Variants in C1QTNF3 observed in about 807,000 individuals in gnomAD.
The protein encoded by C1QTNF3 is complement C1q tumor necrosis factor-related protein 3.
A neutral mutation model predicts 32.6 loss-of-function variants in C1QTNF3; 26 were observed. That is an observed-to-expected ratio of 0.80 (90% CI 0.58 to 1.11). The LOEUF (loss-of-function observed/expected upper bound fraction) is 1.11, where lower values mean the gene tolerates loss of function less well. Ranked by LOEUF, C1QTNF3 falls within the 50% of genes least tolerant of loss-of-function variation. The pLI is 0.00. For synonymous variants in C1QTNF3, 155 were observed against 146.0 expected (o/e 1.06, Z -0.44); for missense variants, 362 against 398.2 (o/e 0.91, Z 0.77).
In C1QTNF3 at chr5:34,043,198, TGC is replaced by T. The variant is rs1561062679; in HGVS notation, c.-75_-74del. The T allele has an allele frequency of 6.8e-7, 1 of 1,481,378 alleles. No homozygotes were observed. Among genetic ancestry groups the T allele is most frequent in the African/African-American group, 1.4e-5 (1 of 71,346 alleles). 91.8% of individuals were successfully genotyped at this position (1,481,378 alleles called of 1,614,324 possible). ...CAGGAGCGTGGTCTCCTCGGGCAGA[TGC>T]CAGGACTGGAGCTGAGAGCTGCAGC... On this transcript the variant is annotated 5_prime_UTR_variant, in exon 1 of 6. Transcript: ENST00000382065.
At chr5:34,213,206 C>T in the C1QTNF3 span, among the ~76,000 whole-genome samples, 9 of 152,060 alleles carry the variant, frequency 5.9e-5, no homozygotes, top group African/African-American at 2.2e-4. Flanking sequence ...GCATGTAAAA[C>T]AATGGCTCAT....
chr5:34,117,531 C>G, the C1QTNF3 span, among the ~76,000 whole-genome samples: 1 of 151,940 alleles, frequency 6.6e-6, no homozygotes, highest in Non-Finnish European at 1.5e-5. Context: ...CATGGTGTCT[C>G]ACGCCTATAA....
At chr5:34,229,609 C>T in the C1QTNF3 span, among the ~76,000 whole-genome samples, 2,154 of 152,112 alleles carry the variant, frequency 0.014, 36 homozygotes, top group South Asian at 0.033. Context: ...TTTAGATGGC[C>T]AAATGCAATC....
chr5:34,242,288 C>T, the C1QTNF3 span, among the ~76,000 whole-genome samples: 2 of 152,078 alleles, frequency 1.3e-5, no homozygotes, highest in Admixed American at 6.5e-5. Context: ...GTACACTAAC[C>T]ATGATACTGT....
the C1QTNF3 span, among the ~76,000 whole-genome samples, chr5:34,066,495 A>G: frequency 6.6e-6 from 1 of 152,238 alleles, no homozygotes; most frequent in Non-Finnish European, 1.5e-5. Context: ...CTTATGGATC[A>G]TGATTTAAAC....
At chr5:34,213,048 C>T in the C1QTNF3 span, among the ~76,000 whole-genome samples, 2 of 152,182 alleles carry the variant, frequency 1.3e-5, no homozygotes, top group African/African-American at 4.8e-5. Flanking sequence ...AAAGTAAAAA[C>T]AACTAAGAGT....
chr5:34,040,177 A>T (rs1243530251), intron 1 of C1QTNF3, among the ~76,000 whole-genome samples: 2 of 152,216 alleles, frequency 1.3e-5, no homozygotes, highest in Non-Finnish European at 2.9e-5. Flanking sequence ...GTTGCTATTT[A>T]TGACCTCCTT....
chr5:34,106,138 T>C, the C1QTNF3 span: 3 of 151,968 alleles, frequency 2.0e-5, no homozygotes, highest in Admixed American at 6.6e-5. Context: ...ACAAATAGTT[T>C]ATAGTATATC....
chr5:34,115,037 CTTT>C, the C1QTNF3 span, among the ~76,000 whole-genome samples: 8 of 151,154 alleles, frequency 5.3e-5, no homozygotes, highest in South Asian at 1.7e-3. Flanking sequence ...CTTTGTTCAA[CTTT>C]TTTTTTATTT....
chr5:34,085,050 G>A, the C1QTNF3 span, among the ~76,000 whole-genome samples: 19 of 137,620 alleles, frequency 1.4e-4, no homozygotes, highest in African/African-American at 5.3e-4. Context: ...GAGTACAGTG[G>A]TGCAATCTCG....
chr5:34,242,593 T>C, the C1QTNF3 span, among the ~76,000 whole-genome samples: 7 of 152,096 alleles, frequency 4.6e-5, no homozygotes, highest in African/African-American at 1.7e-4. Flanking sequence ...TTCTCGACAT[T>C]GGCCTTGGCA....
Position 34,028,734 on chromosome 5 carries a change from A to T in C1QTNF3, c.700+20T>A. 1 of 1,584,818 alleles carries T rather than the reference A, an allele frequency of 6.3e-7. No individual in the cohort carries two copies. Among genetic ancestry groups the T allele is most frequent in the Non-Finnish European group, 8.6e-7 (1 of 1,165,238 alleles). ...TATTACATTGATTAACTCAATCTTC[A>T]TCCTATGTTTCCATCTCACCTGATA... On this transcript the variant is annotated intron_variant, in intron 4 of 5. Transcript: ENST00000382065.
the C1QTNF3 span, among the ~76,000 whole-genome samples, chr5:34,211,159 TCA>T: frequency 6.6e-6 from 1 of 151,566 alleles, no homozygotes; most frequent in African/African-American, 2.4e-5. Flanking sequence ...ACAAAAATTT[TCA>T]GTTTTAAATA....
chr5:34,103,316 A>G, the C1QTNF3 span, among the ~76,000 whole-genome samples: 1 of 151,490 alleles, frequency 6.6e-6, no homozygotes, highest in Non-Finnish European at 1.5e-5. Context: ...TACTTTTTAG[A>G]GAGAAAGTCT....
At chr5:34,037,616 G>T in intron 1 of C1QTNF3, among the ~76,000 whole-genome samples, 1 of 152,218 alleles carries the variant, frequency 6.6e-6, no homozygotes, top group East Asian at 1.9e-4. Flanking sequence ...CTGATCAGGA[G>T]CTATAACTTA....
At chr5:34,237,770 T>C in the C1QTNF3 span, among the ~76,000 whole-genome samples, 1 of 152,022 alleles carries the variant, frequency 6.6e-6, no homozygotes, top group Non-Finnish European at 1.5e-5. Context: ...GAATGGCTCC[T>C]AGGAAAGGGC....
chr5:34,048,661 A>T, the C1QTNF3 span, among the ~76,000 whole-genome samples: 1 of 149,802 alleles, frequency 6.7e-6, no homozygotes, highest in South Asian at 2.1e-4. Context: ...GTTAAGGGCC[A>T]TTGCTCAGAT....
the C1QTNF3 span, among the ~76,000 whole-genome samples, chr5:34,119,431 A>G: frequency 6.6e-6 from 1 of 152,290 alleles, no homozygotes; most frequent in Non-Finnish European, 1.5e-5. Flanking sequence ...GCCACCCCTC[A>G]CAAGCAACCG....
chr5:34,134,719 T>C, the C1QTNF3 span, among the ~76,000 whole-genome samples: 9 of 152,156 alleles, frequency 5.9e-5, no homozygotes, highest in African/African-American at 1.9e-4. Flanking sequence ...TTTGGCTCTC[T>C]GTTTGTCTGT....
Sources: gnomAD v4.1 joint callset for allele counts (sites outside exome capture counted in the v4.1 genomes callset) on GRCh38, gnomAD v4.1.1 for gene constraint, MANE v1.5 for transcripts, NCBI Gene and HGNC (gene_info 2026-07-23, HGNC 2026-07-21) for gene names.